CTSA: variants seen among roughly 807,000 people sequenced by gnomAD.
The protein encoded by CTSA is lysosomal protective protein.
CTSA carries 42 observed loss-of-function variants against 66.7 expected under a neutral mutation model. That is an observed-to-expected ratio of 0.63 (90% CI 0.49 to 0.81). The LOEUF is 0.81. Among genes scored for constraint, CTSA ranks in the 40% least tolerant of loss-of-function variants. The pLI, the probability that CTSA is intolerant of heterozygous loss-of-function variation, is 0.00. For missense variants in CTSA, 525 were observed against 610.9 expected (o/e 0.86, Z 1.48); for synonymous variants, 225 against 248.6 (o/e 0.91, Z 0.89).
At chr20:45,897,280 A>T in intron 12 of CTSA, 1 of 572,904 alleles carries the variant, frequency 1.7e-6, no homozygotes, top group Non-Finnish European at 3.1e-6. Context: ...GGGTGAGAAG[A>T]GCTTCATTCA....
rs745547045 is a variant in CTSA at position 45,897,028 on chromosome 20, G to C, written c.1152G>C (p.Leu384=). 6.2e-7 allele frequency: 1 copy of C among 1,613,490 alleles called. No individual in the cohort carries two copies. Among genetic ancestry groups the C allele is most frequent in the Non-Finnish European group, 8.5e-7 (1 of 1,179,614 alleles). ...YRSMNSQYLK[L]LSSQKYQILL... is the part of the protein sequence containing the mutation. ...GCATGAACTCCCAGTATCTGAAGCT[G>C]CTTAGCTCACAGGTGAGTGGGGAGA... The change falls in exon 12 of 15, where the codon CTG becomes CTC. Residue 384 remains leucine, a synonymous_variant. Coordinates refer to ENST00000646241, the MANE Select transcript of CTSA (RefSeq NM_000308.4).
rs375345060 is a variant in CTSA, at chr20:45,895,085, G to A, written c.1040G>A (p.Arg347Gln). The A allele has an allele frequency of 8.1e-6, 13 of 1,614,002 alleles. No homozygotes were observed. The highest frequency in any genetic ancestry group is 8.0e-5 in the African/African-American group (6 of 74,890). Residue 347 changes from arginine to glutamine, a missense_variant, in exon 11 of 15, where the codon CGG becomes CAG. Around this residue, in one of 3 missense-constraint regions of CTSA, gnomAD observed 274 missense variants for 321.1 expected, o/e 0.85. Transcript: ENST00000646241. ...ASTYLNNPYV[R>Q]KALNIPEQLP... ...ACCTACCTCAACAACCCGTACGTGC[G>A]GAAGGCCCTCAACATCCCGGAGCAG...
intron 11 of CTSA, 91 bp downstream of exon 11, chr20:45,895,224 T>C (rs1987187998): frequency 6.0e-6 from 9 of 1,488,506 alleles, no homozygotes; most frequent in Non-Finnish European, 7.5e-6. Flanking sequence ...CTGTGTAGAG[T>C]TTCTCAATGA....
intron 7 of CTSA, 53 bp from the exon 8 acceptor site, chr20:45,893,935 G>A: frequency 8.6e-7 from 1 of 1,162,554 alleles, no homozygotes; most frequent in Admixed American, 1.7e-5. Flanking sequence ...CGCCTCCTCT[G>A]CCTTCCTCTT....
intron 7 of CTSA, 132 bp downstream of exon 7, chr20:45,893,443 A>T: frequency 1.4e-6 from 1 of 728,264 alleles, no homozygotes; most frequent in East Asian, 2.6e-5. Flanking sequence ...GAAAGAACCT[A>T]GTGCTGAAAG....
rs1432316708 is a variant in CTSA, at chr20:45,893,332, G to A, written c.692+21G>A. 7 of 1,572,662 alleles carry A rather than the reference G, an allele frequency of 4.5e-6. No individual in the cohort carries two copies. In the South Asian group the frequency reaches 6.6e-5, roughly 15 times the overall value. ...AACAGGTATGGGATAGGGCAGTTGGGCAATCTCTGGGGTGAGGCAGGTCAC... is the reference window on the plus strand; with the variant it reads ...AACAGGTATGGGATAGGGCAGTTGGACAATCTCTGGGGTGAGGCAGGTCAC... On this transcript the variant is annotated intron_variant, in intron 7 of 14. Transcript: ENST00000646241.
chr20:45,891,818 G>C lies in CTSA; in HGVS notation c.194+56G>C. On this transcript the variant is annotated intron_variant, in intron 2 of 14. Coordinates refer to ENST00000646241, the MANE Select transcript of CTSA (RefSeq NM_000308.4). This position sits in a 1 kb window ranked among gnomAD's most constrained non-coding sequence, Gnocchi z 4.6. ...GGAGAAGAGATGACGGATGAGGGAT[G>C]GGGGGTAGTTCTGCAGACCCCTGAG... is the stretch of plus-strand genomic sequence containing the variant. 2.5e-6 allele frequency: 4 copies of C among 1,611,056 alleles called. No homozygotes were observed. Among genetic ancestry groups the C allele is most frequent in the South Asian group, 1.1e-5 (1 of 91,030 alleles).
At position 45,895,009 on chromosome 20, in the gene CTSA, G is replaced by A. The variant is rs756467283; in HGVS notation, c.964G>A (p.Gly322Arg). 1 of 1,614,178 alleles carries A rather than the reference G, an allele frequency of 6.2e-7. No individual in the cohort carries two copies. The highest frequency in any genetic ancestry group is 1.1e-5 in the South Asian group (1 of 91,090). The part of the protein sequence containing the change: ...RMWHQALLRS[G>R]DKVRMDPPCT... ...TGCCTTCCAGGCACTGCTGCGCTCA[G>A]GGGATAAAGTGCGCATGGACCCCCC... Residue 322 changes from glycine to arginine, a missense_variant, in exon 11 of 15, where the codon GGG becomes AGG. By Grantham distance (125) the Gly-to-Arg change is moderately radical. This residue lies in a region of CTSA where 274 missense variants were observed against 321.1 expected (regional missense o/e 0.85). Transcript: ENST00000646241.
intron 7 of CTSA, 150 bp from the exon 8 acceptor site, chr20:45,893,838 A>G: frequency 2.8e-6 from 2 of 714,662 alleles, no homozygotes; most frequent in Non-Finnish European, 5.1e-6. Context: ...TTTGGGAGCT[A>G]GCTTAGATGA....
Position 45,897,050 on chromosome 20 carries a change from G to T in CTSA, c.1164+10G>T. On this transcript the variant is annotated intron_variant, in intron 12 of 14. Transcript: ENST00000646241. Reference sequence around the variant, plus strand: ...GCTGCTTAGCTCACAGGTGAGTGGGGAGAGCACAGCTGGATCACCAGCAGC... The same window carrying T: ...GCTGCTTAGCTCACAGGTGAGTGGGTAGAGCACAGCTGGATCACCAGCAGC... 1 of 1,607,848 alleles carries T rather than the reference G, an allele frequency of 6.2e-7. No homozygotes were observed. The highest frequency in any genetic ancestry group is 8.5e-7 in the Non-Finnish European group (1 of 1,174,698).
Position 45,898,491 on chromosome 20 carries a change from C to A in CTSA, c.*41C>A. 1 of 1,581,570 alleles carries A rather than the reference C, an allele frequency of 6.3e-7. No homozygotes were observed. Among genetic ancestry groups the A allele is most frequent in the Non-Finnish European group, 8.7e-7 (1 of 1,151,990 alleles). On this transcript the variant is annotated 3_prime_UTR_variant, in exon 15 of 15. Transcript: ENST00000646241. The surrounding 1 kb of genome is among the most constrained non-coding windows in gnomAD (Gnocchi z 4.6). ...GCTCCACGGCCTGATGCAGCCCCTC[C>A]CAGCCTCTCCCGCTAGGAGAGTCCT... is the stretch of plus-strand genomic sequence containing the variant.
rs1308401312 is a variant in CTSA at position 45,893,246 on chromosome 20, C to T, written c.627C>T (p.Ser209=). The T allele has an allele frequency of 1.2e-6, 2 of 1,614,122 alleles. No homozygotes were observed. The highest frequency in any genetic ancestry group is 1.3e-5 in the African/African-American group (1 of 75,014). The change falls in exon 7 of 15, where the codon TCC becomes TCT. Residue 209 remains serine, a synonymous_variant. Transcript: ENST00000646241. ...GGCTGGCTGTGGGCAATGGACTCTC[C>T]TCCTATGAGCAGAATGACAACTCCC... The part of the protein sequence containing the change: ...LQGLAVGNGL[S]SYEQNDNSLV...
intron 11 of CTSA, 198 bp downstream of exon 11, chr20:45,895,331 TTTTG>T: frequency 1.5e-6 from 1 of 675,320 alleles, no homozygotes; most frequent in South Asian, 2.0e-5. Flanking sequence ...TTTAAAATTT[TTTTG>T]TTTGAGACAA....
chr20:45,894,181 G>T (rs186066143), intron 8 of CTSA, 109 bp downstream of exon 8: 216 of 820,094 alleles, frequency 2.6e-4, no homozygotes, highest in African/African-American at 2.5e-3. Flanking sequence ...TTGCTTTCTT[G>T]CACCTTTAAG....
Position 45,892,494 on chromosome 20 carries a change from G to A in CTSA, c.444+10G>A. ...AACTAATGACACTGAGGTGAGTCTG[G>A]TGCCTGCCCATCTGCCCCAGGCTCC... On this transcript the variant is annotated intron_variant, in intron 5 of 14. Coordinates refer to ENST00000646241, the MANE Select transcript of CTSA (RefSeq NM_000308.4). 1 of 1,613,526 alleles carries A rather than the reference G, an allele frequency of 6.2e-7. No homozygotes were observed. The highest frequency in any genetic ancestry group is 8.5e-7 in the Non-Finnish European group (1 of 1,179,476).
chr20:45,894,477 G>A (rs899966477), intron 8 of CTSA, 173 bp from the exon 9 acceptor site: 12 of 690,816 alleles, frequency 1.7e-5, no homozygotes, highest in South Asian at 3.1e-5. Flanking sequence ...AGTGATGCTA[G>A]GATTTGGACC....
Position 45,894,985 on chromosome 20 carries a change from G to A in CTSA, c.949-9G>A. On this transcript the variant is annotated splice_polypyrimidine_tract_variant and intron_variant, in intron 10 of 14. Transcript: ENST00000646241. ...GCAGAGGCCCTGACCCACTGTCTGTGCCTTCCAGGCACTGCTGCGCTCAGG... is the reference window on the plus strand; with the variant it reads ...GCAGAGGCCCTGACCCACTGTCTGTACCTTCCAGGCACTGCTGCGCTCAGG... The A allele has an allele frequency of 6.2e-7, 1 of 1,614,180 alleles. No individual in the cohort carries two copies. Among genetic ancestry groups the A allele is most frequent in the Non-Finnish European group, 8.5e-7 (1 of 1,180,012 alleles).
chr20:45,897,946 C>G, intron 13 of CTSA, 59 bp from the exon 14 acceptor site: 1 of 1,588,172 alleles, frequency 6.3e-7, no homozygotes, highest in South Asian at 1.1e-5. Context: ...TAAGGTCTTG[C>G]TGGTAGCTGT....
chr20:45,892,145 T>C (rs1256558674), intron 3 of CTSA, 118 bp downstream of exon 3: 2 of 1,422,202 alleles, frequency 1.4e-6, no homozygotes, highest in Non-Finnish European at 2.0e-6. Context: ...GATTTTCCTC[T>C]ATGCCATTGG....
Sources: gnomAD v4.1 joint callset for allele counts on GRCh38, gnomAD v4.1.1 for gene constraint, gnomAD v4.1.1 regional missense constraint, Gnocchi (gnomAD v3.1) non-coding constraint, MANE v1.5 for transcripts, NCBI Gene and HGNC (gene_info 2026-07-23, HGNC 2026-07-21) for gene names.